Variants in PHACTR1 observed in about 807,000 individuals in gnomAD.
PHACTR1 encodes RPEL repeat containing 1.
In PHACTR1, 16 loss-of-function variants were observed where a neutral mutation model predicts 69.2. The ratio of observed to expected loss-of-function variants is 0.23; its 90% CI spans 0.16 to 0.35. PHACTR1 has a LOEUF of 0.35. Among genes scored for constraint, PHACTR1 ranks in the 10% least tolerant of loss-of-function variants. The pLI is 1.00. For synonymous variants in PHACTR1, 312 were observed against 284.5 expected (o/e 1.10, Z -0.97); for missense variants, 510 against 734.7 (o/e 0.69, Z 3.54).
chr6:13,151,012 C>G (rs1583596513), intron 5 of PHACTR1, among the ~76,000 whole-genome samples: 1 of 152,178 alleles, frequency 6.6e-6, no homozygotes, highest in Non-Finnish European at 1.5e-5. Flanking sequence ...GAAGTGGAGG[C>G]ATGTTCTAGG....
At chr6:13,078,946 G>C (rs910771097) in intron 5 of PHACTR1, among the ~76,000 whole-genome samples, 14 of 152,150 alleles carry the variant, frequency 9.2e-5, no homozygotes, top group Non-Finnish European at 2.1e-4. Context: ...TGCTGTTTGG[G>C]GGGGTCTAGC....
intron 7 of PHACTR1, among the ~76,000 whole-genome samples, chr6:13,202,735 G>T (rs769069965): frequency 2.6e-5 from 4 of 152,162 alleles, no homozygotes; most frequent in Non-Finnish European, 5.9e-5. Context: ...CCTCGGCCTC[G>T]AAAAGTGCTG....
chr6:12,730,294 C>T (rs972179556), intron 3 of PHACTR1, among the ~76,000 whole-genome samples: 2 of 151,954 alleles, frequency 1.3e-5, no homozygotes, highest in African/African-American at 4.8e-5. Flanking sequence ...TGAAAAGTTT[C>T]TTCTATAAAT....
At chr6:13,273,841 T>C (rs1180241694) in intron 11 of PHACTR1, 1 of 152,236 alleles carries the variant, frequency 6.6e-6, no homozygotes, top group African/African-American at 2.4e-5. Context: ...GAGAAAGATA[T>C]ATACTATGCA....
intron 4 of PHACTR1, among the ~76,000 whole-genome samples, chr6:12,887,497 T>A (rs1324629344): frequency 6.6e-6 from 1 of 152,180 alleles, no homozygotes; most frequent in East Asian, 1.9e-4. Context: ...CACTGACCCT[T>A]ATCATCTAGC....
At chr6:12,964,069 T>TA (rs535082962) in intron 4 of PHACTR1, among the ~76,000 whole-genome samples, 12 of 151,332 alleles carry the variant, frequency 7.9e-5, no homozygotes, top group Non-Finnish European at 1.0e-4. Context: ...ATTTCTCAAG[T>TA]AAAAAAAAAT....
At position 12,718,842 on chromosome 6, in the gene PHACTR1, C is replaced by T; in HGVS notation, c.98C>T (p.Ala33Val). 1 of 1,540,342 alleles carries T rather than the reference C, an allele frequency of 6.5e-7. No homozygotes were observed. Among genetic ancestry groups the T allele is most frequent in the East Asian group, 2.3e-5 (1 of 42,798 alleles). The change falls in exon 3 of 15, where the codon GCT (alanine) becomes GTT (valine). Residue 33 changes from alanine to valine, a missense_variant. This residue lies in a region of PHACTR1 where 419 missense variants were observed against 530.9 expected (regional missense o/e 0.79). Coordinates refer to ENST00000332995, the MANE Select transcript of PHACTR1 (RefSeq NM_030948.6). ...CAAAGATTCTTCTACAGTCAAGGAG[C>T]TCAAGGTAATAAAATAAGAAAAAGA... The part of the protein sequence containing the change: ...SAQRFFYSQG[A>V]QARRATLLLP...
chr6:12,891,826 T>C (rs534262788), intron 4 of PHACTR1, among the ~76,000 whole-genome samples: 50 of 152,360 alleles, frequency 3.3e-4, no homozygotes, highest in African/African-American at 1.2e-3. Context: ...AGCCTTGAAT[T>C]CATTTCACCT....
intron 4 of PHACTR1, among the ~76,000 whole-genome samples, chr6:12,963,282 C>G (rs921241927): frequency 1.3e-5 from 2 of 152,168 alleles, no homozygotes; most frequent in Non-Finnish European, 2.9e-5. Flanking sequence ...GAGGGTGAGC[C>G]TGCTCACTGC....
intron 5 of PHACTR1, among the ~76,000 whole-genome samples, chr6:13,101,168 A>G (rs1815091026): frequency 6.6e-6 from 1 of 152,264 alleles, no homozygotes; most frequent in Non-Finnish European, 1.5e-5. Context: ...TTTCAAGAGC[A>G]TAGTGCTGGC....
rs537056699 is a variant in PHACTR1, at chr6:13,271,739, G to A, written c.1392-1121G>A. Among the ~76,000 whole-genome samples the A allele has an allele frequency of 4.0e-5, 6 of 151,730 alleles. No homozygotes were observed. The East Asian group carries it at 7.7e-4, about 20-fold the overall frequency. ...TTTTCCGTCAGCAGTTGGTAGAACC[G>A]AAGAATGTGGAACTCATGGACACAG... On this transcript the variant is annotated intron_variant, in intron 10 of 14. Coordinates refer to ENST00000332995, the MANE Select transcript of PHACTR1 (RefSeq NM_030948.6).
chr6:12,858,331 A>G (rs1780607990), intron 4 of PHACTR1, among the ~76,000 whole-genome samples: 1 of 152,232 alleles, frequency 6.6e-6, no homozygotes, highest in African/African-American at 2.4e-5. Context: ...GCTGAAATGT[A>G]CAAATCATAA....
intron 5 of PHACTR1, among the ~76,000 whole-genome samples, chr6:13,125,675 T>A (rs1348220894): frequency 3.3e-5 from 5 of 152,244 alleles, no homozygotes; most frequent in Non-Finnish European, 7.3e-5. Flanking sequence ...ATGCCTGTAA[T>A]CCTAGCACTT....
chr6:13,071,598 T>C (rs1809533712), intron 5 of PHACTR1, among the ~76,000 whole-genome samples: 2 of 152,172 alleles, frequency 1.3e-5, no homozygotes, highest in Admixed American at 1.3e-4. Flanking sequence ...GCTAATGATG[T>C]TCAGATGCAG....
At chr6:13,108,252 T>C (rs1450786257) in intron 5 of PHACTR1, among the ~76,000 whole-genome samples, 1 of 150,802 alleles carries the variant, frequency 6.6e-6, no homozygotes, top group East Asian at 1.9e-4. Context: ...TTCCATATGA[T>C]TGCAGACATT....
intron 4 of PHACTR1, among the ~76,000 whole-genome samples, chr6:12,755,175 G>A (rs1767164364): frequency 6.6e-6 from 1 of 151,982 alleles, no homozygotes; most frequent in Non-Finnish European, 1.5e-5. Flanking sequence ...TGGCTACATG[G>A]TAAATTACTT....
At chr6:12,809,087 C>T (rs371977708) in intron 4 of PHACTR1, among the ~76,000 whole-genome samples, 3 of 151,900 alleles carry the variant, frequency 2.0e-5, no homozygotes, top group East Asian at 3.9e-4. Flanking sequence ...GGAGTTACCC[C>T]ATGTTGCCCA....
chr6:13,011,715 T>C (rs997717705), intron 4 of PHACTR1, among the ~76,000 whole-genome samples: 6 of 152,212 alleles, frequency 3.9e-5, no homozygotes, highest in Admixed American at 1.3e-4. Context: ...GGAAAAGGCA[T>C]GCAATTTAAA....
chr6:12,933,257 G>C (rs1215759554), intron 4 of PHACTR1, among the ~76,000 whole-genome samples: 1 of 152,008 alleles, frequency 6.6e-6, no homozygotes, highest in Non-Finnish European at 1.5e-5. Context: ...TCCAAATCTT[G>C]ATGAAGTAAT....
Sources: allele counts gnomAD v4.1 joint callset (sites outside exome capture counted in the v4.1 genomes callset), GRCh38; gene constraint gnomAD v4.1.1; regional missense constraint gnomAD v4.1.1; transcripts MANE v1.5; gene names NCBI Gene and HGNC (gene_info 2026-07-23, HGNC 2026-07-21).